TMEFF2: variants seen among roughly 807,000 people sequenced by gnomAD.
TMEFF2 encodes transmembrane protein with EGF like and two follistatin like domains 2, also known as tomoregulin-2.
Under a neutral mutation model 53.8 loss-of-function variants are expected in TMEFF2, and 28 were observed. The ratio of observed to expected loss-of-function variants is 0.52; its 90% CI spans 0.39 to 0.71. TMEFF2 has a LOEUF of 0.71. Ranked by LOEUF, TMEFF2 falls within the 30% of genes least tolerant of loss-of-function variation. TMEFF2 has a pLI of 0.00. For synonymous variants in TMEFF2, 162 were observed against 166.3 expected (o/e 0.97, Z 0.20); for missense variants, 353 against 455.2 (o/e 0.78, Z 2.04).
At chr2:192,074,987 C>G (rs1649190810) in intron 4 of TMEFF2, among the ~76,000 whole-genome samples, 1 of 151,460 alleles carries the variant, frequency 6.6e-6, no homozygotes, top group Admixed American at 6.6e-5. Context: ...TAAACAAACA[C>G]AACAGAAAAC....
chr2:192,104,631 G>A (rs1168113525), intron 4 of TMEFF2, among the ~76,000 whole-genome samples: 1 of 151,934 alleles, frequency 6.6e-6, no homozygotes, highest in Non-Finnish European at 1.5e-5. Context: ...TTAACTGGAT[G>A]AATTAAAGAT....
At chr2:191,989,821 A>C (rs1347465505) in intron 7 of TMEFF2, among the ~76,000 whole-genome samples, 1 of 152,060 alleles carries the variant, frequency 6.6e-6, no homozygotes, top group Non-Finnish European at 1.5e-5. Context: ...AACTTCCCAA[A>C]GCTCACCCAA....
At chr2:191,998,228 G>C (rs145841829) in intron 7 of TMEFF2, 34 bp downstream of exon 7, 3 of 1,510,980 alleles carry the variant, frequency 2.0e-6, no homozygotes, top group Admixed American at 3.8e-5. Context: ...TTTAATAGAA[G>C]AGCTCACATT....
intron 4 of TMEFF2, among the ~76,000 whole-genome samples, chr2:192,166,267 G>A (rs912713693): frequency 2.0e-5 from 3 of 152,102 alleles, no homozygotes; most frequent in Non-Finnish European, 4.4e-5. Flanking sequence ...TATGGGAATT[G>A]TTCTTACAGA....
intron 5 of TMEFF2, among the ~76,000 whole-genome samples, chr2:192,012,466 A>C (rs1686652350): frequency 6.6e-6 from 1 of 152,188 alleles, no homozygotes; most frequent in Non-Finnish European, 1.5e-5. Flanking sequence ...TCACACACAT[A>C]TCAAGGTACA....
intron 4 of TMEFF2, among the ~76,000 whole-genome samples, chr2:192,143,511 T>A (rs1266174003): frequency 6.6e-6 from 1 of 152,174 alleles, no homozygotes; most frequent in Non-Finnish European, 1.5e-5. Flanking sequence ...AGTGAGTAAC[T>A]ATAATTGTAT....
intron 4 of TMEFF2, among the ~76,000 whole-genome samples, chr2:192,142,992 T>C (rs1690172489): frequency 2.0e-5 from 3 of 152,120 alleles, no homozygotes; most frequent in Admixed American, 2.0e-4. Context: ...CATTTAAAAA[T>C]TAGGAGGTTT....
In TMEFF2 at chr2:192,079,261, C is replaced by A. The variant is rs73982381; in HGVS notation, c.440-21486G>T. On this transcript the variant is annotated intron_variant, in intron 4 of 9. Coordinates refer to ENST00000272771, the MANE Select transcript of TMEFF2 (RefSeq NM_016192.4). Reference sequence around the variant, plus strand: ...GTACACTGGGCTGACCTAATCTTCACCAGATTTACATGATGGTCTCAGCTT... The same window carrying A: ...GTACACTGGGCTGACCTAATCTTCAACAGATTTACATGATGGTCTCAGCTT... 2.5e-3 allele frequency among the ~76,000 whole-genome samples: 383 copies of A among 152,318 alleles called. 1 individual carries two copies. The highest frequency in any genetic ancestry group is 0.02 in the Middle Eastern group (6 of 294).
chr2:191,993,808 A>G (rs560644426), intron 7 of TMEFF2, among the ~76,000 whole-genome samples: 11 of 152,072 alleles, frequency 7.2e-5, no homozygotes, highest in Non-Finnish European at 1.5e-4. Flanking sequence ...TCCCAGCCAT[A>G]CGGAGAGCCT....
At chr2:192,047,379 T>C (rs1687649602) in intron 5 of TMEFF2, among the ~76,000 whole-genome samples, 1 of 152,238 alleles carries the variant, frequency 6.6e-6, no homozygotes, top group Non-Finnish European at 1.5e-5. Context: ...CCCTTATGGC[T>C]TGTTAGAACC....
Position 192,057,667 on chromosome 2 carries a change from A to G in TMEFF2, c.536+12T>C, listed in dbSNP as rs764351980. 1.2e-6 allele frequency: 2 copies of G among 1,609,474 alleles called. No homozygotes were observed. The highest frequency in any genetic ancestry group is 3.3e-5 in the Admixed American group (2 of 60,010). ...CATTATTTTGTCTAAAAGAATAAAA[A>G]CAGCATATTACCAGACATCCTCGGC... On this transcript the variant is annotated intron_variant, in intron 5 of 9. Coordinates refer to ENST00000272771, the MANE Select transcript of TMEFF2 (RefSeq NM_016192.4).
intron 8 of TMEFF2, among the ~76,000 whole-genome samples, chr2:191,955,482 C>T (rs142625692): frequency 3.7e-4 from 53 of 142,182 alleles, no homozygotes; most frequent in African/African-American, 1.3e-3. Context: ...CAAGTAGCTC[C>T]TGGACTACAG....
At chr2:192,116,217 T>C (rs973229902) in intron 4 of TMEFF2, among the ~76,000 whole-genome samples, 1 of 152,006 alleles carries the variant, frequency 6.6e-6, no homozygotes, top group African/African-American at 2.4e-5. Flanking sequence ...CAATTATGCC[T>C]AGTGAAATAA....
intron 1 of TMEFF2, among the ~76,000 whole-genome samples, chr2:192,193,798 A>AAAGAGAGAGAGAGG (rs1691530289): frequency 7.2e-6 from 1 of 139,836 alleles, no homozygotes; most frequent in Admixed American, 7.1e-5. Context: ...AGAGAGAGAG[A>AAAGAGAGAGAGAGG]GAGAGAGAGA....
chr2:192,161,340 G>C (rs1488781290), intron 4 of TMEFF2, among the ~76,000 whole-genome samples: 1 of 151,854 alleles, frequency 6.6e-6, no homozygotes, highest in Admixed American at 6.6e-5. Context: ...GTTTTCATTA[G>C]CAGGGTTTCA....
intron 4 of TMEFF2, among the ~76,000 whole-genome samples, chr2:192,173,201 C>T (rs190696826): frequency 1.6e-4 from 25 of 151,782 alleles, no homozygotes; most frequent in Admixed American, 4.0e-4. Context: ...CCCCAATTAC[C>T]CTGATCTTAT....
At chr2:192,062,968 G>GTTT (rs58620145) in intron 4 of TMEFF2, among the ~76,000 whole-genome samples, 88 of 151,106 alleles carry the variant, frequency 5.8e-4, no homozygotes, top group East Asian at 2.3e-3. Flanking sequence ...GTCCGGGAGT[G>GTTT]TTTTTTTTTT....
intron 4 of TMEFF2, among the ~76,000 whole-genome samples, chr2:192,068,788 G>C (rs757545369): frequency 1.3e-5 from 2 of 151,672 alleles, no homozygotes; most frequent in Non-Finnish European, 2.9e-5. Context: ...TAAAAAATCA[G>C]GCTTGTTTAA....
chr2:191,966,420 C>G (rs1692473059), intron 7 of TMEFF2, among the ~76,000 whole-genome samples: 1 of 152,022 alleles, frequency 6.6e-6, no homozygotes, highest in East Asian at 1.9e-4. Context: ...ATTTATTACC[C>G]CTTTCATTTA....
Sources: gnomAD v4.1 joint callset for allele counts (sites outside exome capture counted in the v4.1 genomes callset) on GRCh38, gnomAD v4.1.1 for gene constraint, MANE v1.5 for transcripts, NCBI Gene and HGNC (gene_info 2026-07-23, HGNC 2026-07-21) for gene names.